MORC1: variants seen among roughly 807,000 people sequenced by gnomAD.
MORC1 encodes MORC family CW-type zinc finger 1.
In MORC1, 59 loss-of-function variants were observed where a neutral mutation model predicts 134.9. That is an observed-to-expected ratio of 0.44 (90% confidence interval 0.35 to 0.54). The LOEUF is 0.54. Among genes scored for constraint, MORC1 ranks in the 20% least tolerant of loss-of-function variants. The pLI is 0.00. For missense variants in MORC1, 947 were observed against 1,134.5 expected, an observed-to-expected ratio of 0.83 and a Z score of 2.37; for synonymous variants, 395 against 391.7, an observed-to-expected ratio of 1.01 and a Z score of -0.10.
chr3:109,114,320 G>A, intron 2 of MORC1, 64 bp downstream of exon 2: 1 of 1,355,762 alleles, frequency 7.4e-7, no homozygotes, highest in African/African-American at 1.5e-5. Flanking sequence ...ATCTTCCCAT[G>A]TAATTAGACA....
At chr3:108,993,687 C>T (rs1362099731) in intron 21 of MORC1, among the ~76,000 whole-genome samples, 3 of 152,106 alleles carry the variant, frequency 2.0e-5, no homozygotes, top group African/African-American at 7.2e-5. Context: ...ACTACCTGTA[C>T]AGTTTTCTAT....
chr3:109,054,407 T>C (rs1949908236), intron 14 of MORC1, among the ~76,000 whole-genome samples: 2 of 152,206 alleles, frequency 1.3e-5, no homozygotes, highest in South Asian at 4.1e-4. Context: ...TCTCACACAG[T>C]GGAGTCCCAG....
At chr3:108,994,668 T>C (rs74643895) in intron 21 of MORC1, among the ~76,000 whole-genome samples, 1 of 152,192 alleles carries the variant, frequency 6.6e-6, no homozygotes, top group African/African-American at 2.4e-5. Flanking sequence ...AAAAAAGGCA[T>C]GTACATGCCT....
chr3:108,966,716 C>G (rs988953588), intron 26 of MORC1, among the ~76,000 whole-genome samples: 2 of 151,924 alleles, frequency 1.3e-5, no homozygotes, highest in Admixed American at 6.6e-5. Context: ...ATAATATTGA[C>G]CAAGCTCAAT....
intron 20 of MORC1, among the ~76,000 whole-genome samples, chr3:109,002,282 G>T (rs970816134): frequency 6.6e-6 from 1 of 152,160 alleles, no homozygotes; most frequent in African/African-American, 2.4e-5. Flanking sequence ...GGCACTAGAT[G>T]GAACAATGCT....
intron 14 of MORC1, among the ~76,000 whole-genome samples, chr3:109,037,103 A>G (rs1324402989): frequency 1.3e-5 from 2 of 152,182 alleles, no homozygotes; most frequent in East Asian, 3.8e-4. Flanking sequence ...GTTGACTTCA[A>G]TTGTCCTACA....
At chr3:108,969,590 A>AT in intron 26 of MORC1, 79 bp downstream of exon 26, 1 of 1,399,062 alleles carries the variant, frequency 7.1e-7, no homozygotes, top group African/African-American at 1.4e-5. Context: ...CAAACCTAAC[A>AT]TTTGGAAATG....
chr3:109,042,385 T>A (rs924918492), intron 14 of MORC1, among the ~76,000 whole-genome samples: 2 of 152,204 alleles, frequency 1.3e-5, no homozygotes, highest in Admixed American at 6.5e-5. Flanking sequence ...CACAGGGAGA[T>A]ATCACCTCAT....
intron 27 of MORC1, among the ~76,000 whole-genome samples, chr3:108,959,625 G>T (rs551635949): frequency 2.6e-5 from 4 of 152,042 alleles, no homozygotes; most frequent in African/African-American, 9.7e-5. Context: ...CTACTGAGGC[G>T]ATTTCATGCT....
intron 15 of MORC1, among the ~76,000 whole-genome samples, chr3:109,033,869 T>C (rs887076091): frequency 2.0e-5 from 3 of 152,154 alleles, no homozygotes; most frequent in Admixed American, 6.5e-5. Context: ...ACTAATCTCA[T>C]TTCATAAAAG....
intron 23 of MORC1, 79 bp from the exon 24 acceptor site, chr3:108,979,746 A>C: frequency 6.6e-7 from 1 of 1,519,424 alleles, no homozygotes; most frequent in Non-Finnish European, 9.0e-7. Context: ...AAATGAGTGA[A>C]ATGTTCATAT....
intron 17 of MORC1, among the ~76,000 whole-genome samples, chr3:109,016,842 G>A (rs1307091904): frequency 2.0e-5 from 3 of 152,100 alleles, no homozygotes; most frequent in Admixed American, 6.5e-5. Flanking sequence ...TCCAGACTGG[G>A]TGACAGAGCA....
At chr3:108,998,740 G>C (rs1230316312) in intron 21 of MORC1, among the ~76,000 whole-genome samples, 2 of 152,250 alleles carry the variant, frequency 1.3e-5, no homozygotes, top group Non-Finnish European at 2.9e-5. Flanking sequence ...AGAAATTAAT[G>C]TGCATCTCTG....
intron 6 of MORC1, among the ~76,000 whole-genome samples, chr3:109,096,003 T>A (rs150037468): frequency 6.6e-6 from 1 of 152,084 alleles, no homozygotes; most frequent in South Asian, 2.1e-4. Context: ...GAACAAATAA[T>A]TATAAACAAA....
chr3:109,100,776 G>A (rs1462031803), intron 4 of MORC1, among the ~76,000 whole-genome samples: 1 of 152,186 alleles, frequency 6.6e-6, no homozygotes, highest in African/African-American at 2.4e-5. Flanking sequence ...ATTGCGTCTG[G>A]ACTGACCACG....
chr3:109,034,236 G>A (rs1276159384), intron 15 of MORC1, among the ~76,000 whole-genome samples: 1 of 152,072 alleles, frequency 6.6e-6, no homozygotes, highest in Non-Finnish European at 1.5e-5. Flanking sequence ...GTCTTCCTTG[G>A]AATACTCCTA....
intron 14 of MORC1, among the ~76,000 whole-genome samples, chr3:109,045,735 CATGTT>C (rs1256187030): frequency 2.6e-5 from 4 of 152,178 alleles, no homozygotes; most frequent in African/African-American, 9.7e-5. Context: ...GTGCTAGTCT[CATGTT>C]ATGAGTCCAG....
chr3:108,981,835 C>G (rs1014148715), intron 23 of MORC1, among the ~76,000 whole-genome samples: 3 of 152,180 alleles, frequency 2.0e-5, no homozygotes, highest in African/African-American at 4.8e-5. Context: ...CCATTCAGGA[C>G]ATAGGCATGG....
intron 6 of MORC1, among the ~76,000 whole-genome samples, chr3:109,098,201 G>A (rs1032900045): frequency 5.9e-5 from 9 of 151,908 alleles, no homozygotes; most frequent in Admixed American, 3.9e-4. Flanking sequence ...GCACTCCACC[G>A]TGCCCAGCTA....
Sources: gnomAD v4.1 joint callset for allele counts (sites outside exome capture counted in the v4.1 genomes callset) on GRCh38, gnomAD v4.1.1 for gene constraint, MANE v1.5 for transcripts, NCBI Gene and HGNC (gene_info 2026-07-23, HGNC 2026-07-21) for gene names.